Variants in USP48 observed in about 807,000 individuals in gnomAD.
USP48 encodes the protein ubiquitin specific peptidase 48.
Under a neutral mutation model 150.7 loss-of-function variants are expected in USP48, and 43 were observed. The ratio of observed to expected loss-of-function variants is 0.29; its 90% confidence interval spans 0.22 to 0.37. The LOEUF is 0.37. Among genes scored for constraint, USP48 ranks in the 10% least tolerant of loss-of-function variants. USP48 has a pLI of 1.00. For missense variants in USP48, 813 were observed against 1,249.6 expected (o/e 0.65, Z 5.27); for synonymous variants, 396 against 425.9 (o/e 0.93, Z 0.86).
rs748769628 is a variant in USP48, at chr1:21,721,017, C to A, written c.1894+19G>T. 1.4e-5 allele frequency: 22 copies of A among 1,613,506 alleles called. No homozygotes were observed. The highest frequency in any genetic ancestry group is 1.6e-5 in the Non-Finnish European group (19 of 1,179,702). The stretch of plus-strand genomic sequence containing the variant: ...TGGTATAGTTTCACAATGATCTACA[C>A]ATAGGTTTAAAGTGTTACCTTTATT... On this transcript the variant is annotated intron_variant, in intron 14 of 26. Transcript: ENST00000308271.
chr1:21,723,752 A>G (rs1308158095), intron 12 of USP48, 146 bp downstream of exon 12: 1 of 728,064 alleles, frequency 1.4e-6, no homozygotes, highest in Non-Finnish European at 2.2e-6. Context: ...CTTCTACTTT[A>G]TTTAGCAAAT....
intron 11 of USP48, among the ~76,000 whole-genome samples, chr1:21,727,580 C>T (rs1367116179): frequency 6.6e-6 from 1 of 152,148 alleles, no homozygotes; most frequent in Non-Finnish European, 1.5e-5. Context: ...TAGGTCCCAA[C>T]ACCTTTGAAC....
rs878858186 is a variant in USP48, at chr1:21,783,112, GCCGCGCCCGC to G, written c.-165_-156del. 1.2e-4 allele frequency: 142 copies of G among 1,151,172 alleles called. No individual in the cohort carries two copies. In the Admixed American group the frequency reaches 4.4e-3, roughly 35 times the overall value. The allele number at this position is 1,151,172 out of a possible 1,614,324, so 71.3% of individuals were successfully genotyped here. A position where few individuals can be genotyped will look rare whatever the true frequency, so the allele number is the denominator to read the frequency against. On this transcript the variant is annotated 5_prime_UTR_variant, in exon 1 of 27. Transcript: ENST00000308271. ...TCAATCACCTGTGCGCGCCACTGCC[GCCGCGCCCGC>G]CCGCGCCCGACCCGCACGACCGGCC...
At chr1:21,772,552 G>C (rs2097884270) in intron 1 of USP48, among the ~76,000 whole-genome samples, 2 of 151,668 alleles carry the variant, frequency 1.3e-5, no homozygotes, top group African/African-American at 4.8e-5. Context: ...GAACCCGGGA[G>C]GCGGAGCTCG....
At chr1:21,703,417 A>T in intron 21 of USP48, 95 bp downstream of exon 21, 1 of 778,478 alleles carries the variant, frequency 1.3e-6, no homozygotes, top group Non-Finnish European at 2.0e-6. Context: ...ACAAAAATGC[A>T]GTCCTAGGCA....
In USP48 at chr1:21,704,239, C is replaced by A. The variant is rs375586783; in HGVS notation, c.2515+23G>T. The A allele has an allele frequency of 2.5e-6, 4 of 1,603,656 alleles. No individual in the cohort carries two copies. The Admixed American group carries it at 6.9e-5, about 28-fold the overall frequency. ...AAATGTCAGCTCTTAACTATAGAAA[C>A]CGAAAGCAATATGAAAACTTACTGG... On this transcript the variant is annotated intron_variant, in intron 20 of 26. Coordinates refer to ENST00000308271, the MANE Select transcript of USP48 (RefSeq NM_032236.8).
chr1:21,718,542 T>G (rs753843757), intron 14 of USP48, among the ~76,000 whole-genome samples: 14 of 150,484 alleles, frequency 9.3e-5, no homozygotes, highest in Non-Finnish European at 1.8e-4. Flanking sequence ...GAAGGGACAC[T>G]GATATATAAA....
chr1:21,715,292 G>C lies in USP48; in HGVS notation c.1963+97C>G. 6.7e-6 allele frequency: 6 copies of C among 898,682 alleles called. No homozygotes were observed. The South Asian group carries it at 8.8e-5, about 13-fold the overall frequency. 55.7% of individuals were successfully genotyped at this position (898,682 alleles called of 1,614,324 possible). The stretch of plus-strand genomic sequence containing the variant: ...TTCTATTAAAAAAAATTTTTCCCAG[G>C]TAAGATGTGAGAGATACTGGCATGA... On this transcript the variant is annotated intron_variant, in intron 15 of 26. Coordinates refer to ENST00000308271, the MANE Select transcript of USP48 (RefSeq NM_032236.8).
At chr1:21,695,271 G>A in intron 22 of USP48, 50 bp from the exon 23 acceptor site, 8 of 1,515,390 alleles carry the variant, frequency 5.3e-6, no homozygotes, top group Non-Finnish European at 7.1e-6. Context: ...ACCACAATGT[G>A]ACCCTTGCTC....
chr1:21,693,629 A>G (rs2097610821), intron 23 of USP48, among the ~76,000 whole-genome samples: 2 of 152,190 alleles, frequency 1.3e-5, no homozygotes, highest in African/African-American at 4.8e-5. Context: ...TCCATAATAA[A>G]AGCAGCACAG....
chr1:21,758,252 A>G (rs767546258), intron 1 of USP48, among the ~76,000 whole-genome samples: 3 of 152,034 alleles, frequency 2.0e-5, no homozygotes, highest in Non-Finnish European at 1.5e-5. Context: ...ATGAACAGAT[A>G]TAAGGTAATT....
In USP48 at chr1:21,753,063, T is replaced by C; in HGVS notation, c.469A>G (p.Asn157Asp). ...GGATCAATGTATCGCCTATTACTGT[T>C]TTGCAACAAGGCAAACAAGTACTGG... is the stretch of plus-strand genomic sequence containing the variant. The part of the protein sequence containing the change: ...HLQYLFALLQ[N>D]SNRRYIDPSG... Residue 157 changes from asparagine (N) to aspartate (D), a missense_variant, in exon 4 of 27, where the codon AAC becomes GAC. Asn to Asp is a conservative substitution (Grantham distance 23). Coordinates refer to ENST00000308271, the MANE Select transcript of USP48 (RefSeq NM_032236.8). 6.2e-7 allele frequency: 1 copy of C among 1,613,262 alleles called. No homozygotes were observed. The highest frequency in any genetic ancestry group is 8.5e-7 in the Non-Finnish European group (1 of 1,179,768).
At chr1:21,733,542 T>G (rs2097762027) in intron 9 of USP48, among the ~76,000 whole-genome samples, 1 of 152,202 alleles carries the variant, frequency 6.6e-6, no homozygotes, top group African/African-American at 2.4e-5. Context: ...TTAAAAATAT[T>G]TTCTATTTTT....
intron 1 of USP48, chr1:21,768,605 A>G (rs1557607669): frequency 6.6e-6 from 1 of 152,046 alleles, no homozygotes; most frequent in Non-Finnish European, 1.5e-5. Context: ...CTGTTTTATC[A>G]TGGCTACCTA....
At chr1:21,755,320 G>A (rs1194890781) in intron 3 of USP48, among the ~76,000 whole-genome samples, 1 of 152,070 alleles carries the variant, frequency 6.6e-6, no homozygotes, top group Non-Finnish European at 1.5e-5. Context: ...CAGCACTCTG[G>A]GAGACCAAGG....
intron 1 of USP48, among the ~76,000 whole-genome samples, chr1:21,761,079 G>A (rs563697767): frequency 9.3e-5 from 14 of 151,226 alleles, no homozygotes; most frequent in Non-Finnish European, 1.5e-4. Context: ...TGGACAACAA[G>A]TGGAAACTTT....
At chr1:21,746,865 A>G (rs1197477347) in intron 8 of USP48, among the ~76,000 whole-genome samples, 1 of 152,186 alleles carries the variant, frequency 6.6e-6, no homozygotes, top group Non-Finnish European at 1.5e-5. Flanking sequence ...GAACCACCTC[A>G]TCTTTGCTAT....
chr1:21,703,723 A>T (rs932082756), intron 20 of USP48, 105 bp from the exon 21 acceptor site: 35 of 888,972 alleles, frequency 3.9e-5, no homozygotes, highest in Non-Finnish European at 5.8e-5. Flanking sequence ...AATATTCATT[A>T]AACTCTTAGT....
At chr1:21,773,270 A>AG (rs1339849912) in intron 1 of USP48, among the ~76,000 whole-genome samples, 2 of 151,740 alleles carry the variant, frequency 1.3e-5, no homozygotes, top group African/African-American at 4.8e-5. Flanking sequence ...AAAAAAAAAA[A>AG]AAAAGAAAGA....
Sources: gnomAD v4.1 joint callset for allele counts (sites outside exome capture counted in the v4.1 genomes callset) on GRCh38, gnomAD v4.1.1 for gene constraint, MANE v1.5 for transcripts, NCBI Gene and HGNC (gene_info 2026-07-23, HGNC 2026-07-21) for gene names.